Variants in CTNNA3 observed in about 807,000 individuals in gnomAD.
CTNNA3 encodes catenin alpha-3.
CTNNA3 carries 76 observed loss-of-function variants against 95.7 expected under a neutral mutation model. That is an observed-to-expected ratio of 0.79 (90% CI 0.66 to 0.96). CTNNA3 has a LOEUF of 0.96. Among genes scored for constraint, CTNNA3 ranks in the 40% least tolerant of loss-of-function variants. The probability of loss-of-function intolerance (pLI) is 0.00; values close to 1 mark genes in which losing one functional copy is unlikely to be tolerated. For missense variants in CTNNA3, 1,191 were observed against 1,089.8 expected, an observed-to-expected ratio of 1.09 and a Z score of -1.31; for synonymous variants, 431 against 374.4, an observed-to-expected ratio of 1.15 and a Z score of -1.74.
At chr10:67,385,324 G>A (rs890928031) in intron 5 of CTNNA3, among the ~76,000 whole-genome samples, 1 of 152,186 alleles carries the variant, frequency 6.6e-6, no homozygotes, top group African/African-American at 2.4e-5. Context: ...ATTCACTTAT[G>A]CAAGAATGGG....
At chr10:66,738,974 T>A (rs4534458) in intron 9 of CTNNA3, among the ~76,000 whole-genome samples, 76,702 of 151,994 alleles carry the variant, frequency 0.5, 19,628 homozygotes, top group African/African-American at 0.58. Flanking sequence ...ATCTCCAGAA[T>A]AGAGGAAGAA....
intron 7 of CTNNA3, among the ~76,000 whole-genome samples, chr10:66,819,092 T>TAAAA (rs35494489): frequency 1.8e-5 from 2 of 110,686 alleles, no homozygotes; most frequent in Admixed American, 9.9e-5. Flanking sequence ...ACTCTTGTCT[T>TAAAA]AAAAAAAAAA....
At chr10:66,775,321 A>G in intron 8 of CTNNA3, 123 bp downstream of exon 8, 1 of 565,242 alleles carries the variant, frequency 1.8e-6, no homozygotes, top group South Asian at 2.3e-5. Flanking sequence ...GTATATATTT[A>G]CTCTTTTTTT....
intron 5 of CTNNA3, among the ~76,000 whole-genome samples, chr10:67,427,583 C>A (rs1216350185): frequency 6.6e-6 from 1 of 151,988 alleles, no homozygotes; most frequent in Non-Finnish European, 1.5e-5. Flanking sequence ...GATGTAGATA[C>A]TTTTCTCATA....
intron 7 of CTNNA3, among the ~76,000 whole-genome samples, chr10:66,987,473 G>A (rs16923872): frequency 0.04 from 6,080 of 152,178 alleles, 372 homozygotes; most frequent in East Asian, 0.29. Context: ...TTAGCAATCC[G>A]AGATGCCCAG....
intron 17 of CTNNA3, among the ~76,000 whole-genome samples, chr10:65,924,526 A>C (rs182132160): frequency 6.6e-6 from 1 of 152,154 alleles, no homozygotes; most frequent in Non-Finnish European, 1.5e-5. Flanking sequence ...ATTTCCACGT[A>C]CCTATAATTT....
intron 7 of CTNNA3, among the ~76,000 whole-genome samples, chr10:66,961,721 T>C (rs1050760271): frequency 6.6e-6 from 1 of 152,186 alleles, no homozygotes; most frequent in African/African-American, 2.4e-5. Flanking sequence ...TATTTGCATA[T>C]ATTAAGTTTG....
intron 13 of CTNNA3, among the ~76,000 whole-genome samples, chr10:66,126,385 T>A (rs538726745): frequency 6.6e-6 from 1 of 152,328 alleles, no homozygotes; most frequent in South Asian, 2.1e-4. Flanking sequence ...TAGCTAAATA[T>A]AGATACAGAT....
chr10:66,889,655 A>C (rs1249066783), intron 7 of CTNNA3, among the ~76,000 whole-genome samples: 6 of 152,232 alleles, frequency 3.9e-5, no homozygotes, highest in Non-Finnish European at 7.3e-5. Flanking sequence ...TTTTAGAGGC[A>C]GAACTATAAG....
At chr10:67,067,826 C>T (rs917681975) in intron 7 of CTNNA3, among the ~76,000 whole-genome samples, 3 of 152,166 alleles carry the variant, frequency 2.0e-5, no homozygotes, top group Non-Finnish European at 4.4e-5. Context: ...ATAAGACATA[C>T]TCTCAGTCTC....
intron 1 of CTNNA3, among the ~76,000 whole-genome samples, chr10:67,733,373 G>T (rs1435737335): frequency 6.6e-6 from 1 of 152,126 alleles, no homozygotes; most frequent in East Asian, 1.9e-4. Flanking sequence ...AGGTATTTCA[G>T]ACATAATACA....
intron 5 of CTNNA3, among the ~76,000 whole-genome samples, chr10:67,393,935 C>A (rs1450927940): frequency 6.6e-6 from 1 of 152,074 alleles, no homozygotes; most frequent in Admixed American, 6.6e-5. Context: ...GACTGATAAT[C>A]ACCCAGATCC....
chr10:67,185,190 G>A lies in CTNNA3; in HGVS notation c.844-4670C>T, dbSNP rs186966959. On this transcript the variant is annotated intron_variant, in intron 6 of 17. Coordinates refer to ENST00000433211, the MANE Select transcript of CTNNA3 (RefSeq NM_013266.4). ...TGTTGCCAGGCTTGAGTGCAGTGGC[G>A]CGATCTCGGCTCACTGCAACCTCTA... Among the ~76,000 whole-genome samples the A allele has an allele frequency of 4.6e-4, 70 of 151,576 alleles. No individual in the cohort carries two copies. In the East Asian group the frequency reaches 0.012, roughly 27 times the overall value.
intron 13 of CTNNA3, among the ~76,000 whole-genome samples, chr10:66,168,802 A>T (rs1234174351): frequency 6.6e-6 from 1 of 152,206 alleles, no homozygotes. Context: ...CAATATCTAG[A>T]CTAGCAATTG....
chr10:66,981,368 T>C (rs1850430596), intron 7 of CTNNA3, among the ~76,000 whole-genome samples: 1 of 152,240 alleles, frequency 6.6e-6, no homozygotes, highest in Non-Finnish European at 1.5e-5. Flanking sequence ...ATCAGCTCAC[T>C]CAGGCATAAG....
At chr10:66,526,955 A>AT (rs971298442) in intron 10 of CTNNA3, among the ~76,000 whole-genome samples, 18 of 150,924 alleles carry the variant, frequency 1.2e-4, no homozygotes, top group South Asian at 2.1e-4. Context: ...ATGAAGTCCA[A>AT]TTTTTTTTTC....
chr10:67,756,201 G>A (rs1328294185), intron 1 of CTNNA3, among the ~76,000 whole-genome samples: 1 of 152,072 alleles, frequency 6.6e-6, no homozygotes, highest in South Asian at 2.1e-4. Context: ...TTGATTAACG[G>A]GTACATATTT....
chr10:66,690,541 G>A (rs1049829785), intron 9 of CTNNA3, among the ~76,000 whole-genome samples: 7 of 147,786 alleles, frequency 4.7e-5, no homozygotes, highest in Admixed American at 6.9e-5. Context: ...TGTTCTCATC[G>A]TTCAATTCCC....
At chr10:67,671,348 T>C (rs1053342146) in intron 1 of CTNNA3, among the ~76,000 whole-genome samples, 6 of 152,076 alleles carry the variant, frequency 3.9e-5, no homozygotes, top group Non-Finnish European at 7.4e-5. Flanking sequence ...CGTTATTAAC[T>C]TCTTTTTTCT....
Sources: allele counts gnomAD v4.1 joint callset (sites outside exome capture counted in the v4.1 genomes callset), GRCh38; gene constraint gnomAD v4.1.1; transcripts MANE v1.5; gene names NCBI Gene and HGNC (gene_info 2026-07-23, HGNC 2026-07-21).